The following ABCB11 variants were observed in gnomAD, a reference collection of about 807,000 sequenced individuals.
ABCB11 encodes bile salt export pump.
In ABCB11, 95 loss-of-function variants were observed where a neutral mutation model predicts 148.0. The ratio of observed to expected loss-of-function variants is 0.64; its 90% CI spans 0.54 to 0.76. The LOEUF is 0.76. ABCB11 is among the 30% of genes least tolerant of loss of function. The pLI, the probability that ABCB11 is intolerant of heterozygous loss-of-function variation, is 0.00. For missense variants in ABCB11, 1,523 were observed against 1,617.8 expected, an observed-to-expected ratio of 0.94 and a Z score of 1.01; for synonymous variants, 591 against 555.4, an observed-to-expected ratio of 1.06 and a Z score of -0.90.
intron 11 of ABCB11, among the ~76,000 whole-genome samples, chr2:168,978,714 G>A (rs1430111727): frequency 6.6e-6 from 1 of 151,584 alleles, no homozygotes; most frequent in East Asian, 1.9e-4. Flanking sequence ...TTCTGTTCTT[G>A]GTTTTCTGTT....
At chr2:168,986,059 T>C (rs1694307484) in intron 10 of ABCB11, 51 bp downstream of exon 10, 3 of 1,373,692 alleles carry the variant, frequency 2.2e-6, no homozygotes, top group Non-Finnish European at 2.9e-6. Context: ...CATGGACTTT[T>C]CTGAGATACC....
At chr2:168,982,430 T>C (rs951410961) in intron 10 of ABCB11, among the ~76,000 whole-genome samples, 1 of 152,246 alleles carries the variant, frequency 6.6e-6, no homozygotes. Context: ...ACTGAATGAA[T>C]GTCACGCTCC....
downstream of ABCB11, among the ~76,000 whole-genome samples, chr2:168,919,519 G>T (rs906687749): frequency 2.0e-5 from 3 of 151,960 alleles, no homozygotes; most frequent in Admixed American, 6.6e-5. Flanking sequence ...CTGTAATCCT[G>T]GGATCTCCTT....
Position 168,921,978 on chromosome 2 carries a change from A to G in ABCB11, c.*1644T>C, listed in dbSNP as rs866542591. Reference sequence around the variant, plus strand: ...ATTCTCCTGCCTCAGCCTCCTGAGTAGCTGGGACTACAGGCGCCCGCCACC... The same window carrying G: ...ATTCTCCTGCCTCAGCCTCCTGAGTGGCTGGGACTACAGGCGCCCGCCACC... On this transcript the variant is annotated 3_prime_UTR_variant, in exon 28 of 28. Transcript: ENST00000650372. 5.3e-5 allele frequency among the ~76,000 whole-genome samples: 8 copies of G among 150,318 alleles called. No homozygotes were observed. Among genetic ancestry groups the G allele is most frequent in the South Asian group, 4.2e-4 (2 of 4,786 alleles).
intron 24 of ABCB11, 63 bp downstream of exon 24, chr2:168,932,314 C>T: frequency 1.4e-6 from 2 of 1,384,044 alleles, no homozygotes; most frequent in Admixed American, 4.1e-5. Context: ...CAGCTTCATC[C>T]CTGTCCCTGC....
chr2:169,014,220 G>T, intron 4 of ABCB11, 83 bp downstream of exon 4: 3 of 1,360,842 alleles, frequency 2.2e-6, no homozygotes, highest in South Asian at 2.4e-5. Context: ...CTGCCAATAT[G>T]ACTAAAGATT....
chr2:168,942,121 A>G (rs1248726588), intron 21 of ABCB11, among the ~76,000 whole-genome samples: 1 of 151,914 alleles, frequency 6.6e-6, no homozygotes, highest in African/African-American at 2.4e-5. Context: ...TACAAAAACT[A>G]ACAGCTTTCA....
At chr2:168,995,038 G>T (rs1694669240) in intron 7 of ABCB11, among the ~76,000 whole-genome samples, 1 of 151,900 alleles carries the variant, frequency 6.6e-6, no homozygotes, top group South Asian at 2.1e-4. Context: ...CCTAAACTAG[G>T]TGTAAACTGG....
chr2:169,027,998 C>T (rs1182004416), intron 1 of ABCB11, among the ~76,000 whole-genome samples: 1 of 152,102 alleles, frequency 6.6e-6, no homozygotes, highest in Non-Finnish European at 1.5e-5. Context: ...TTTATAAATA[C>T]AGTTTTATGG....
rs1691057393 is a variant in ABCB11, at chr2:168,920,935, T to C, written c.*2687A>G. ...AACTTTCAAGTATCTTATTTGAAAATATAATTTGTACTAATTCCTCTTTCA... is the reference window on the plus strand; with the variant it reads ...AACTTTCAAGTATCTTATTTGAAAACATAATTTGTACTAATTCCTCTTTCA... On this transcript the variant is annotated 3_prime_UTR_variant, in exon 28 of 28. Transcript: ENST00000650372. Among the ~76,000 whole-genome samples the C allele has an allele frequency of 6.6e-6, 1 of 152,206 alleles. No individual in the cohort carries two copies. Among genetic ancestry groups the C allele is most frequent in the African/African-American group, 2.4e-5 (1 of 41,450 alleles).
In ABCB11 at chr2:168,922,701, C is replaced by A. The variant is rs1341050564; in HGVS notation, c.*921G>T. Among the ~76,000 whole-genome samples, 1 of 152,160 alleles carries A rather than the reference C, an allele frequency of 6.6e-6. No individual in the cohort carries two copies. Among genetic ancestry groups the A allele is most frequent in the Admixed American group, 6.5e-5 (1 of 15,286 alleles). On this transcript the variant is annotated 3_prime_UTR_variant, in exon 28 of 28. Transcript: ENST00000650372. ...ATTCCTGCCGCCTTTAGTTCTATGT[C>A]ATTCTGTGGTGTTTTGAGGGAGCAG... is the stretch of plus-strand genomic sequence containing the variant.
chr2:169,010,773 A>C (rs1695158097), intron 5 of ABCB11, among the ~76,000 whole-genome samples: 1 of 152,180 alleles, frequency 6.6e-6, no homozygotes, highest in Admixed American at 6.6e-5. Flanking sequence ...GAATAGAACA[A>C]ATAGTATTCA....
chr2:168,936,319 G>A lies in ABCB11; in HGVS notation c.2725C>T (p.Pro909Ser), dbSNP rs1264542081. Residue 909 changes from proline to serine, a missense_variant, in exon 22 of 28, where the codon CCC becomes TCC. Transcript: ENST00000650372. Reference sequence around the variant, plus strand: ...GTGGCTCCTGATAAAGCCAAGAAGGGGAAGAAGCACAAGATGACCAGGCTC... The same window carrying A: ...GTGGCTCCTGATAAAGCCAAGAAGGAGAAGAAGCACAAGATGACCAGGCTC... ...KLSLVILCFFPFLALSGATQT... is the reference protein window; with the variant it reads ...KLSLVILCFFSFLALSGATQT... 6.2e-7 allele frequency: 1 copy of A among 1,613,928 alleles called. No homozygotes were observed. Among genetic ancestry groups the A allele is most frequent in the Admixed American group, 1.7e-5 (1 of 60,010 alleles).
Position 168,944,948 on chromosome 2 carries a change from G to T in ABCB11, c.2357C>A (p.Pro786His). 1 of 1,550,488 alleles carries T rather than the reference G, an allele frequency of 6.4e-7. No homozygotes were observed. The highest frequency in any genetic ancestry group is 1.4e-5 in the African/African-American group (1 of 73,004). Residue 786 changes from proline to histidine, a missense_variant, in exon 20 of 28, where the codon CCT (proline) becomes CAT (histidine). Pro to His is a moderately conservative substitution (Grantham distance 77). Transcript: ENST00000650372. The part of the protein sequence containing the change: ...FSQILGTFSI[P>H]DKEEQRSQIN... The stretch of plus-strand genomic sequence containing the variant: ...CTGTGACCTTTGTTCCTCTTTATCA[G>T]GAATTGAAAAAGTCTTGGAAAGATA...
At chr2:168,980,076 C>A in intron 10 of ABCB11, 97 bp from the exon 11 acceptor site, 1 of 656,322 alleles carries the variant, frequency 1.5e-6, no homozygotes, top group Non-Finnish European at 2.7e-6. Flanking sequence ...AGAGAGTTAT[C>A]AGAAATTCTC....
At chr2:168,937,104 C>G (rs1294446311) in intron 21 of ABCB11, among the ~76,000 whole-genome samples, 1 of 152,146 alleles carries the variant, frequency 6.6e-6, no homozygotes, top group Non-Finnish European at 1.5e-5. Context: ...CCAGGCTGGT[C>G]TTAAACTCCT....
At chr2:168,925,719 G>A (rs1262233093) in intron 26 of ABCB11, among the ~76,000 whole-genome samples, 1 of 152,124 alleles carries the variant, frequency 6.6e-6, no homozygotes, top group African/African-American at 2.4e-5. Context: ...TGCCTCCTGA[G>A]GAATGCTCCT....
intron 5 of ABCB11, among the ~76,000 whole-genome samples, chr2:169,000,400 C>A (rs1039567623): frequency 6.6e-6 from 1 of 152,080 alleles, no homozygotes; most frequent in Non-Finnish European, 1.5e-5. Context: ...ATGGTCTCTT[C>A]CATATTTTTC....
intron 23 of ABCB11, among the ~76,000 whole-genome samples, chr2:168,932,906 G>A (rs1031326986): frequency 8.6e-5 from 13 of 151,938 alleles, no homozygotes; most frequent in South Asian, 4.1e-4. Context: ...TCAGAAGATC[G>A]AGACCATCCT....
Sources: gnomAD v4.1 joint callset for allele counts (sites outside exome capture counted in the v4.1 genomes callset) on GRCh38, gnomAD v4.1.1 for gene constraint, MANE v1.5 for transcripts, NCBI Gene and HGNC (gene_info 2026-07-23, HGNC 2026-07-21) for gene names.